Variants in RAPGEF1 observed in about 807,000 individuals in gnomAD.
The protein encoded by RAPGEF1 is Rap guanine nucleotide exchange factor 1, also known as CRK SH3-binding GNRP.
RAPGEF1 carries 33 observed loss-of-function variants against 143.3 expected under a neutral mutation model. The ratio of observed to expected loss-of-function variants is 0.23; its 90% CI spans 0.17 to 0.31. The LOEUF is 0.31. RAPGEF1 is among the 10% of genes least tolerant of loss of function. The pLI is 1.00. For missense variants in RAPGEF1, 1,199 were observed against 1,645.4 expected, an observed-to-expected ratio of 0.73 and a Z score of 4.69; for synonymous variants, 629 against 676.5, an observed-to-expected ratio of 0.93 and a Z score of 1.09.
intron 1 of RAPGEF1, chr9:131,737,443 T>G (rs1370063420): frequency 1.2e-6 from 2 of 1,613,792 alleles, no homozygotes; most frequent in Admixed American, 3.3e-5. Flanking sequence ...TCTGGCAGCC[T>G]GGGTAGCTTA....
At chr9:131,582,109 C>T (rs911504573) in intron 25 of RAPGEF1, among the ~76,000 whole-genome samples, 1 of 152,190 alleles carries the variant, frequency 6.6e-6, no homozygotes, top group African/African-American at 2.4e-5. Context: ...TATTTCCTCT[C>T]GCCCATGGTC....
chr9:131,707,919 C>T (rs1475066909), intron 1 of RAPGEF1, among the ~76,000 whole-genome samples: 2 of 152,140 alleles, frequency 1.3e-5, no homozygotes, highest in African/African-American at 4.8e-5. Flanking sequence ...AGCAACAGTT[C>T]CTCATTATAA....
intron 1 of RAPGEF1, among the ~76,000 whole-genome samples, chr9:131,722,330 A>G (rs1836325035): frequency 6.6e-6 from 1 of 152,172 alleles, no homozygotes; most frequent in Admixed American, 6.5e-5. Flanking sequence ...CCCTCCCCCA[A>G]GCCAGTGATA....
chr9:131,603,964 T>A lies in RAPGEF1; in HGVS notation c.2409A>T (p.Arg803=). The A allele has an allele frequency of 7.6e-7, 1 of 1,322,604 alleles. No homozygotes were observed. Among genetic ancestry groups the A allele is most frequent in the Non-Finnish European group, 1.0e-6 (1 of 997,880 alleles). 81.9% of individuals were successfully genotyped at this position (1,322,604 alleles called of 1,614,324 possible). ...GAGGCCGCCCGAGGTTACTTACTCC[T>A]CGAGAGGGAGCCAGCTCCTCGCTGC... ...GQSSEELAPS[R]GEPPAGKDGH... is the part of the protein sequence containing the mutation. Residue 803 remains arginine (R), a synonymous_variant, in exon 14 of 27, where the codon CGA becomes CGT. Transcript: ENST00000683357.
rs765796695 is a variant in RAPGEF1, at chr9:131,692,628, T to C, written c.62-41679A>G. Reference sequence around the variant, plus strand: ...TGACAACTTCATGCTGTGGACAGCTTTTCCCAAGACATCAGAACAAGATTC... The same window carrying C: ...TGACAACTTCATGCTGTGGACAGCTCTTCCCAAGACATCAGAACAAGATTC... On this transcript the variant is annotated intron_variant, in intron 1 of 26. Transcript: ENST00000683357. 2.0e-5 allele frequency among the ~76,000 whole-genome samples: 3 copies of C among 152,200 alleles called. No individual in the cohort carries two copies. In the South Asian group the frequency reaches 6.2e-4, roughly 32 times the overall value.
intron 1 of RAPGEF1, among the ~76,000 whole-genome samples, chr9:131,669,208 C>G (rs1441211282): frequency 1.3e-5 from 2 of 152,208 alleles, no homozygotes; most frequent in African/African-American, 4.8e-5. Flanking sequence ...ACAGGCCACC[C>G]TCTGGGCCTC....
chr9:131,629,132 G>C lies in RAPGEF1; in HGVS notation c.863C>G (p.Pro288Arg). 6.2e-7 allele frequency: 1 copy of C among 1,613,966 alleles called. No individual in the cohort carries two copies. Among genetic ancestry groups the C allele is most frequent in the South Asian group, 1.1e-5 (1 of 91,084 alleles). Residue 288 changes from proline (P) to arginine (R), a missense_variant, in exon 7 of 27, where the codon CCT becomes CGT. By Grantham distance (103) the Pro-to-Arg change is moderately radical. Around this residue, in one of 6 missense-constraint regions of RAPGEF1, gnomAD observed 613 missense variants for 710.9 expected, o/e 0.86. Transcript: ENST00000683357. ...TDEEVAPPKP[P>R]LPGIRVVDNS... ...ATCAACCACCCGAATGCCAGGCAGA[G>C]GAGGCTTGGGGGGCGCGACCTCTTC... is the stretch of plus-strand genomic sequence containing the variant.
At chr9:131,637,440 C>T (rs1966672902) in intron 5 of RAPGEF1, among the ~76,000 whole-genome samples, 2 of 152,126 alleles carry the variant, frequency 1.3e-5, no homozygotes, top group Admixed American at 6.5e-5. Context: ...CTCAGCCTCT[C>T]TCTATAATTT....
intron 1 of RAPGEF1, among the ~76,000 whole-genome samples, chr9:131,661,560 G>A (rs7048443): frequency 0.024 from 3,697 of 152,130 alleles, 155 homozygotes; most frequent in African/African-American, 0.084. Context: ...ATCTACATAA[G>A]GTATGTGTAT....
chr9:131,587,011 A>AACAC (rs35594696), intron 22 of RAPGEF1, among the ~76,000 whole-genome samples: 311 of 23,896 alleles, frequency 0.013, 28 homozygotes, highest in Admixed American at 0.016. Context: ...CTCCGTCTCA[A>AACAC]ACACACACAC....
Position 131,628,590 on chromosome 9 carries a change from C to A in RAPGEF1, c.976G>T (p.Ala326Ser). 6.2e-7 allele frequency: 1 copy of A among 1,613,142 alleles called. No homozygotes were observed. The highest frequency in any genetic ancestry group is 1.1e-5 in the South Asian group (1 of 91,074). ...ACAGGCAAACTGGAGCCACTGGTGGCTCGGCTCATGGGGGCCACCACAGCC... is the reference window on the plus strand; with the variant it reads ...ACAGGCAAACTGGAGCCACTGGTGGATCGGCTCATGGGGGCCACCACAGCC... ...RVAVVAPMSR[A>S]TSGSSLPVGI... is the part of the protein sequence containing the mutation. Residue 326 changes from alanine to serine, a missense_variant, in exon 8 of 27, where the codon GCC becomes TCC. Ala to Ser is a moderately conservative substitution (Grantham distance 99). Around this residue, in one of 6 missense-constraint regions of RAPGEF1, gnomAD observed 613 missense variants for 710.9 expected, o/e 0.86. Coordinates refer to ENST00000683357, the MANE Select transcript of RAPGEF1 (RefSeq NM_001377935.1). The surrounding 1 kb of genome is among the most constrained non-coding windows in gnomAD (Gnocchi z 5.7).
Position 131,577,951 on chromosome 9 carries a change from G to A in RAPGEF1, c.*1546C>T, listed in dbSNP as rs1356897806. On this transcript the variant is annotated 3_prime_UTR_variant, in exon 27 of 27. Transcript: ENST00000683357. ...CAAAAACCCATGAAGGACTCAAAGT[G>A]ACATGGTGGTTTAAAAAAAAACCTA... The A allele has an allele frequency of 6.6e-6, 1 of 152,178 alleles. No homozygotes were observed. Among genetic ancestry groups the A allele is most frequent in the Non-Finnish European group, 1.5e-5 (1 of 68,046 alleles). The allele number at this position is 152,178 out of a possible 1,614,324, so 9.4% of individuals were successfully genotyped here. A position where few individuals can be genotyped will look rare whatever the true frequency, so the allele number is the denominator to read the frequency against.
At chr9:131,728,067 T>A (rs140120616) in intron 1 of RAPGEF1, among the ~76,000 whole-genome samples, 1 of 152,172 alleles carries the variant, frequency 6.6e-6, no homozygotes, top group African/African-American at 2.4e-5. Flanking sequence ...CTGACAAATT[T>A]GCAAGGAGAC....
chr9:131,729,949 C>T (rs557748624), intron 1 of RAPGEF1, among the ~76,000 whole-genome samples: 1 of 152,236 alleles, frequency 6.6e-6, no homozygotes, highest in South Asian at 2.1e-4. Context: ...AATCCCAGCA[C>T]TTTGGGAGGC....
rs75094447 is a variant in RAPGEF1 at position 131,641,357 on chromosome 9, T to C, written c.494+1882A>G. ...AGTCGCCGCCCTCCCCTCCCCGGGA[T>C]ACACCAGGCCCAGTGGCCTCAGTTC... On this transcript the variant is annotated intron_variant, in intron 4 of 26. Transcript: ENST00000683357. The surrounding 1 kb of genome is among the most constrained non-coding windows in gnomAD (Gnocchi z 4.6). 0.039 allele frequency among the ~76,000 whole-genome samples: 5,970 copies of C among 152,236 alleles called. 242 individuals carry two copies. The highest frequency in any genetic ancestry group is 0.089 in the East Asian group (463 of 5,176).
chr9:131,699,496 G>A (rs1240443386), intron 1 of RAPGEF1, among the ~76,000 whole-genome samples: 5 of 151,990 alleles, frequency 3.3e-5, no homozygotes, highest in African/African-American at 7.3e-5. Flanking sequence ...CGCCCGCCTC[G>A]GCCTCCCAAA....
intron 12 of RAPGEF1, among the ~76,000 whole-genome samples, chr9:131,617,596 T>C (rs527283802): frequency 9.5e-4 from 145 of 152,342 alleles, no homozygotes; most frequent in Non-Finnish European, 1.8e-3. Context: ...TTAACTCTCA[T>C]GTGTAAAGTT....
At chr9:131,593,650 G>A (rs1051736521) in intron 17 of RAPGEF1, among the ~76,000 whole-genome samples, 56 of 152,262 alleles carry the variant, frequency 3.7e-4, no homozygotes, top group African/African-American at 1.1e-3. Context: ...TGCATCAAAC[G>A]AGAGGAAAAC....
At chr9:131,627,877 G>A (rs765264598) in intron 9 of RAPGEF1, 36 bp downstream of exon 9, 13 of 1,557,142 alleles carry the variant, frequency 8.3e-6, no homozygotes, top group South Asian at 8.3e-5. Context: ...AGAAGCCACC[G>A]AGACACGATG....
Sources: allele counts gnomAD v4.1 joint callset (sites outside exome capture counted in the v4.1 genomes callset), GRCh38; gene constraint gnomAD v4.1.1; regional missense constraint gnomAD v4.1.1; non-coding constraint Gnocchi (gnomAD v3.1); transcripts MANE v1.5; gene names NCBI Gene and HGNC (gene_info 2026-07-23, HGNC 2026-07-21).